RP1L1: variants seen among roughly 807,000 people sequenced by gnomAD.
RP1L1 encodes the protein retinitis pigmentosa 1-like 1 protein.
In RP1L1, 27 loss-of-function variants were observed where a neutral mutation model predicts 15.7. The observed-to-expected ratio is 1.72, with a 90% confidence interval of 1.27 to 2.38. The LOEUF is 2.38. Ranked by LOEUF, RP1L1 falls within the 30% of genes most tolerant of loss-of-function variation. RP1L1 has a pLI of 0.00. For synonymous variants in RP1L1, 1,813 were observed against 1,276.7 expected (o/e 1.42, Z -8.96); for missense variants, 4,798 against 3,075.9 (o/e 1.56, Z -13.24).
intron 1 of RP1L1, among the ~76,000 whole-genome samples, chr8:10,631,770 C>A (rs2117243195): frequency 6.6e-6 from 1 of 152,332 alleles, no homozygotes; most frequent in East Asian, 1.9e-4. Flanking sequence ...CGAAGGGAAG[C>A]AGCCCACCCC....
chr8:10,608,799 C>A lies in RP1L1; in HGVS notation c.5299G>T (p.Ala1767Ser). The change falls in exon 4 of 4, where the codon GCA (alanine) becomes TCA (serine). Residue 1767 changes from alanine to serine, a missense_variant. Transcript: ENST00000382483. ...DPKLGEAEGDAMAQEREGKTH... is the reference protein window; with the variant it reads ...DPKLGEAEGDSMAQEREGKTH... ...TTCCCTTCTCTCTCCTGAGCCATTG[C>A]ATCTCCCTCTGCCTCCCCGAGTTTG... The A allele has an allele frequency of 6.2e-7, 1 of 1,614,210 alleles. No homozygotes were observed.
At chr8:10,653,913 C>A (rs1264549587) in intron 1 of RP1L1, among the ~76,000 whole-genome samples, 1 of 152,110 alleles carries the variant, frequency 6.6e-6, no homozygotes, top group Non-Finnish European at 1.5e-5. Context: ...GGTGCCCTCC[C>A]GCGACCTCCT....
In RP1L1 at chr8:10,609,282, G is replaced by A. The variant is rs759239863; in HGVS notation, c.4816C>T (p.Arg1606Cys). The change falls in exon 4 of 4, where the codon CGC becomes TGC. Residue 1606 changes from arginine (R) to cysteine (C), a missense_variant. Physicochemically the swap from Arg to Cys is radical, Grantham distance 180. Transcript: ENST00000382483. ...TGELLLQTQQ[R>C]RHRLRGLRNL... The stretch of plus-strand genomic sequence containing the variant: ...CGCAGGCCCCGGAGACGGTGTCTGC[G>A]CTGCTGGGTCTGCAGGAGCAGCTCC... 20 of 1,610,004 alleles carry A rather than the reference G, an allele frequency of 1.2e-5. No individual in the cohort carries two copies. Among genetic ancestry groups the A allele is most frequent in the Middle Eastern group, 1.6e-4 (1 of 6,084 alleles).
chr8:10,645,148 C>G (rs1798458123), intron 1 of RP1L1, among the ~76,000 whole-genome samples: 1 of 151,976 alleles, frequency 6.6e-6, no homozygotes, highest in Non-Finnish European at 1.5e-5. Context: ...GCAACATAGC[C>G]AGATCCCATC....
intron 3 of RP1L1, 84 bp from the exon 4 acceptor site, chr8:10,613,430 A>C: frequency 6.4e-7 from 1 of 1,567,748 alleles, no homozygotes. Context: ...TAAAACAGTC[A>C]CGAGCCTCCC....
At chr8:10,642,456 C>T (rs927206252) in intron 1 of RP1L1, among the ~76,000 whole-genome samples, 8 of 152,162 alleles carry the variant, frequency 5.3e-5, no homozygotes, top group African/African-American at 9.7e-5. Flanking sequence ...ATGCCTGGAA[C>T]GCGTATGCGA....
At chr8:10,649,200 C>G (rs77031913) in intron 1 of RP1L1, among the ~76,000 whole-genome samples, 4,231 of 152,320 alleles carry the variant, frequency 0.028, 221 homozygotes, top group East Asian at 0.12. Flanking sequence ...CAACTTTCTT[C>G]CAGCAAAACC....
intron 1 of RP1L1, among the ~76,000 whole-genome samples, chr8:10,641,625 T>C (rs760460793): frequency 6.6e-6 from 1 of 152,246 alleles, no homozygotes; most frequent in Non-Finnish European, 1.5e-5. Flanking sequence ...TATCGTAATG[T>C]AAAATGGACC....
chr8:10,646,929 C>T (rs578147098), intron 1 of RP1L1, among the ~76,000 whole-genome samples: 85 of 152,344 alleles, frequency 5.6e-4, no homozygotes, highest in Middle Eastern at 6.8e-3. Flanking sequence ...TGCCAACCTC[C>T]CCCCCTCAGT....
Position 10,612,562 on chromosome 8 carries a change from C to T in RP1L1, c.1536G>A (p.Leu512=), listed in dbSNP as rs1797885039. 3 of 1,607,346 alleles carry T rather than the reference C, an allele frequency of 1.9e-6. No homozygotes were observed. Among genetic ancestry groups the T allele is most frequent in the South Asian group, 1.1e-5 (1 of 91,078 alleles). Residue 512 remains leucine (L), a synonymous_variant, in exon 4 of 4, where the codon CTG becomes CTA. Transcript: ENST00000382483. ...GGCGGCCGCCTTGCTCTGGGCCGCC[C>T]AGCCCTGCTCCATCTATGCATAGGC... ...DPGLCIDGAG[L]GGPEQGGRLT...
rs1335529810 is a variant in RP1L1 at position 10,610,686 on chromosome 8, T to C, written c.3412A>G (p.Lys1138Glu). The stretch of plus-strand genomic sequence containing the variant: ...CGAGGGGAGTCTTTGAACCTCACTT[T>C]GCTGGCAGGAGACCCAAGGTCTTCC... ...FEEDLGSPAS[K>E]VRFKDSPRYQ... The change falls in exon 4 of 4, where the codon AAA (lysine) becomes GAA (glutamate). Residue 1138 changes from lysine (K) to glutamate (E), a missense_variant. Transcript: ENST00000382483. The C allele has an allele frequency of 6.2e-7, 1 of 1,612,244 alleles. No individual in the cohort carries two copies. The highest frequency in any genetic ancestry group is 8.5e-7 in the Non-Finnish European group (1 of 1,179,346).
intron 1 of RP1L1, among the ~76,000 whole-genome samples, chr8:10,650,371 C>T (rs756880549): frequency 6.6e-6 from 1 of 152,168 alleles, no homozygotes; most frequent in Non-Finnish European, 1.5e-5. Flanking sequence ...AATACAGCTT[C>T]GACCAAAGGG....
At chr8:10,625,893 G>T (rs1173647394) in intron 1 of RP1L1, among the ~76,000 whole-genome samples, 1 of 152,092 alleles carries the variant, frequency 6.6e-6, no homozygotes, top group Non-Finnish European at 1.5e-5. Flanking sequence ...GTCAGTGCAG[G>T]TGGGGGGCAG....
At position 10,625,622 on chromosome 8, in the gene RP1L1, C is replaced by T. The variant is rs971898824; in HGVS notation, c.-19-2402G>A. Among the ~76,000 whole-genome samples, 11 of 152,314 alleles carry T rather than the reference C, an allele frequency of 7.2e-5. No homozygotes were observed. The East Asian group carries it at 2.1e-3, about 29-fold the overall frequency. On this transcript the variant is annotated intron_variant, in intron 1 of 3. Coordinates refer to ENST00000382483, the MANE Select transcript of RP1L1 (RefSeq NM_178857.6). ...TGAGCGATAAAGGCGCCCCCCAACC[C>T]ACCTCCCACACAGGGCAGGGCCTCA... is the stretch of plus-strand genomic sequence containing the variant.
intron 1 of RP1L1, among the ~76,000 whole-genome samples, chr8:10,627,287 G>A (rs1487315028): frequency 6.6e-6 from 1 of 152,136 alleles, no homozygotes; most frequent in Non-Finnish European, 1.5e-5. Context: ...ACAAACAAAG[G>A]AGACTTACTC....
At chr8:10,617,691 G>C (rs575263988) in intron 2 of RP1L1, among the ~76,000 whole-genome samples, 63 of 151,538 alleles carry the variant, frequency 4.2e-4, no homozygotes, top group African/African-American at 1.5e-3. Flanking sequence ...GGAGTAGCTG[G>C]GACTACAGGT....
chr8:10,617,027 C>T (rs1365825064), intron 2 of RP1L1, among the ~76,000 whole-genome samples: 1 of 152,162 alleles, frequency 6.6e-6, no homozygotes, highest in Non-Finnish European at 1.5e-5. Flanking sequence ...GCTGCCTAAT[C>T]TGTGTTTTCT....
intron 1 of RP1L1, among the ~76,000 whole-genome samples, chr8:10,638,408 C>A (rs1025323527): frequency 7.9e-5 from 12 of 152,098 alleles, no homozygotes; most frequent in African/African-American, 2.9e-4. Context: ...GAAAAAAAAT[C>A]AAAGGAAGAA....
chr8:10,622,746 C>T lies in RP1L1; in HGVS notation c.456G>A (p.Arg152=). The T allele has an allele frequency of 1.9e-6, 3 of 1,614,116 alleles. No homozygotes were observed. The highest frequency in any genetic ancestry group is 2.5e-6 in the Non-Finnish European group (3 of 1,180,032). Residue 152 remains arginine, a synonymous_variant, in exon 2 of 4, where the codon CGG becomes CGA. Coordinates refer to ENST00000382483, the MANE Select transcript of RP1L1 (RefSeq NM_178857.6). ...CCATGTTCTTAATCAGCAGTATCCT[C>T]CGGGGGGTTTTAAGACTCTTCCGGG... The part of the protein sequence containing the change: ...SSSRKSLKTP[R]RILLIKNMDP...
Sources: allele counts gnomAD v4.1 joint callset (sites outside exome capture counted in the v4.1 genomes callset), GRCh38; gene constraint gnomAD v4.1.1; transcripts MANE v1.5; gene names NCBI Gene and HGNC (gene_info 2026-07-23, HGNC 2026-07-21).